Variants in MCM4 observed in about 807,000 individuals in gnomAD.
MCM4 encodes minichromosome maintenance complex component 4.
A neutral mutation model predicts 88.7 loss-of-function variants in MCM4; 60 were observed. The observed-to-expected ratio is 0.68, with a 90% CI of 0.55 to 0.84. The LOEUF is 0.84. MCM4 is among the 40% of genes least tolerant of loss of function. The pLI is 0.00. For synonymous variants in MCM4, 465 were observed against 410.5 expected (o/e 1.13, Z -1.61); for missense variants, 1,149 against 1,105.5 (o/e 1.04, Z -0.56).
chr8:47,965,847 CAGAA>C (rs1489847332), intron 8 of MCM4, among the ~76,000 whole-genome samples: 4 of 152,150 alleles, frequency 2.6e-5, no homozygotes, highest in African/African-American at 9.7e-5. Context: ...AAAATGTACA[CAGAA>C]AGGCTAGGGT....
At chr8:47,968,710 C>G (rs1362113635) in intron 10 of MCM4, among the ~76,000 whole-genome samples, 1 of 152,118 alleles carries the variant, frequency 6.6e-6, no homozygotes, top group Admixed American at 6.6e-5. Flanking sequence ...TTACACTGAC[C>G]CACTGAATAA....
chr8:47,971,315 T>C, intron 12 of MCM4, 26 bp from the exon 13 acceptor site: 1 of 1,613,546 alleles, frequency 6.2e-7, no homozygotes, highest in Non-Finnish European at 8.5e-7. Context: ...GGGAGAGGCT[T>C]CTAACTGCAC....
At chr8:47,972,631 A>G (rs1244753737) in intron 13 of MCM4, among the ~76,000 whole-genome samples, 1 of 152,008 alleles carries the variant, frequency 6.6e-6, no homozygotes, top group African/African-American at 2.4e-5. Context: ...AACTTGGCTC[A>G]CCGCAACCTT....
chr8:47,975,593 A>C, intron 15 of MCM4, 122 bp from the exon 16 acceptor site: 1 of 619,294 alleles, frequency 1.6e-6, no homozygotes, highest in Non-Finnish European at 2.5e-6. Context: ...TTCCCTTCAA[A>C]TGTACTCAGC....
Position 47,961,560 on chromosome 8 carries a change from G to A in MCM4, c.115G>A (p.Gly39Ser), listed in dbSNP as rs1019886177. 6.2e-7 allele frequency: 1 copy of A among 1,614,176 alleles called. No individual in the cohort carries two copies. ...GTCATCTCCCTCTCAGAGACGTAGA[G>A]GCGAGGATTCCACCTCCACGGGGGA... The part of the protein sequence containing the change: ...ARSSPSQRRR[G>S]EDSTSTGELQ... Residue 39 changes from glycine (G) to serine (S), a missense_variant, in exon 3 of 17, where the codon GGC becomes AGC. Physicochemically the swap from Gly to Ser is moderately conservative, Grantham distance 56. This residue lies in a region of MCM4 where 906 missense variants were observed against 843.0 expected (regional missense o/e 1.07). Coordinates refer to ENST00000649973, the MANE Select transcript of MCM4 (RefSeq NM_182746.3).
chr8:47,967,397 T>A lies in MCM4; in HGVS notation c.1086T>A (p.Pro362=). The change falls in exon 10 of 17, where the codon CCT becomes CCA. Residue 362 remains proline (P), a synonymous_variant. Transcript: ENST00000649973. ...TTCAGGAGTCTCCGGAAGACATGCC[T>A]GCAGGGCAGACACCACACACAGTTA... The part of the protein sequence containing the change: ...IKLQESPEDM[P]AGQTPHTVIL... 6.2e-7 allele frequency: 1 copy of A among 1,614,240 alleles called. No homozygotes were observed. The highest frequency in any genetic ancestry group is 8.5e-7 in the Non-Finnish European group (1 of 1,180,034).
At chr8:47,969,694 CGTG>C in intron 10 of MCM4, 101 bp from the exon 11 acceptor site, 2 of 1,178,432 alleles carry the variant, frequency 1.7e-6, no homozygotes. Context: ...GCCAGCCCGA[CGTG>C]GTGCCTCGCT....
rs762352509 is a variant in MCM4, at chr8:47,974,791, C to T, written c.2194C>T (p.Arg732Ter). Residue 732 changes from arginine (R) to a stop codon, truncating the protein, a stop_gained, in exon 15 of 17, where the codon CGA becomes TGA. Transcript: ENST00000649973. LOFTEE classifies it high-confidence loss of function. ...SSRGMVSAYP[R>*]QLESLIRLAE... ...CCGGGGAATGGTTTCTGCATACCCTCGACAGCTAGAGTCATTAATCCGCTT... is the reference window on the plus strand; with the variant it reads ...CCGGGGAATGGTTTCTGCATACCCTTGACAGCTAGAGTCATTAATCCGCTT... 5 of 1,614,194 alleles carry T rather than the reference C, an allele frequency of 3.1e-6. No homozygotes were observed. Among genetic ancestry groups the T allele is most frequent in the East Asian group, 2.2e-5 (1 of 44,888 alleles).
At chr8:47,966,164 T>G (rs1197584232) in intron 8 of MCM4, 23 bp from the exon 9 acceptor site, 1 of 1,602,780 alleles carries the variant, frequency 6.2e-7, no homozygotes, top group East Asian at 2.2e-5. Flanking sequence ...TCAGGTGTGC[T>G]GACCTCTCTT....
chr8:47,975,678 TAGC>T, intron 15 of MCM4, 34 bp from the exon 16 acceptor site: 1 of 1,474,398 alleles, frequency 6.8e-7, no homozygotes, highest in Non-Finnish European at 9.0e-7. Context: ...CATTTCATAA[TAGC>T]AAAAATGTTT....
rs1340378081 is a variant in MCM4, at chr8:47,962,214, G to A, written c.397G>A (p.Gly133Arg). 2 of 1,614,158 alleles carry A rather than the reference G, an allele frequency of 1.2e-6. No individual in the cohort carries two copies. Among genetic ancestry groups the A allele is most frequent in the East Asian group, 2.2e-5 (1 of 44,882 alleles). Residue 133 changes from glycine to arginine, a missense_variant and splice_region_variant, in exon 4 of 17, where the codon GGG becomes AGG. Gly to Arg is a moderately radical substitution (Grantham distance 125). Coordinates refer to ENST00000649973, the MANE Select transcript of MCM4 (RefSeq NM_182746.3). ...KGLQVDLQSD[G>R]AAAEDIVASE... ...CCTGCAAGTGGATCTGCAGTCTGAC[G>A]GGGTGAGTATGCAGTCTCCTGAAAC...
At chr8:47,975,686 A>G (rs760472116) in intron 15 of MCM4, 29 bp from the exon 16 acceptor site, 1 of 1,486,812 alleles carries the variant, frequency 6.7e-7, no homozygotes, top group South Asian at 1.4e-5. Flanking sequence ...AATAGCAAAA[A>G]TGTTTTCATT....
intron 11 of MCM4, 130 bp downstream of exon 11, chr8:47,970,187 G>A (rs1204878613): frequency 9.5e-7 from 1 of 1,052,274 alleles, no homozygotes; most frequent in East Asian, 2.4e-5. Flanking sequence ...GCAAGTGCTG[G>A]CAACCTGACT....
intron 13 of MCM4, among the ~76,000 whole-genome samples, chr8:47,972,546 T>C (rs185794257): frequency 3.3e-5 from 5 of 152,138 alleles, no homozygotes; most frequent in Non-Finnish European, 7.4e-5. Context: ...TTTTTTGTTG[T>C]TGTTTTGGGT....
chr8:47,961,598 G>A lies in MCM4; in HGVS notation c.153G>A (p.Met51Ile), dbSNP rs774767030. ...CCTCCACGGGGGAGTTGCAGCCGAT[G>A]CCAACCTCGCCTGGAGTGGACCTGC... is the stretch of plus-strand genomic sequence containing the variant. ...DSTSTGELQP[M>I]PTSPGVDLQS... The change falls in exon 3 of 17, where the codon ATG (methionine) becomes ATA (isoleucine). Residue 51 changes from methionine (M) to isoleucine (I), a missense_variant. Transcript: ENST00000649973. 5.0e-6 allele frequency: 8 copies of A among 1,614,044 alleles called. No homozygotes were observed. The highest frequency in any genetic ancestry group is 5.9e-6 in the Non-Finnish European group (7 of 1,180,032).
At chr8:47,966,876 T>C (rs2090903250) in intron 9 of MCM4, among the ~76,000 whole-genome samples, 1 of 152,240 alleles carries the variant, frequency 6.6e-6, no homozygotes, top group Admixed American at 6.5e-5. Context: ...TTTACCGTGA[T>C]TGTGACTGTA....
chr8:47,976,637 AG>A, intron 16 of MCM4, 48 bp from the exon 17 acceptor site: 1 of 1,315,100 alleles, frequency 7.6e-7, no homozygotes, highest in Non-Finnish European at 1.1e-6. Flanking sequence ...TAACAGGTAA[AG>A]GAGGGACTTG....
chr8:47,962,320 A>C lies in MCM4; in HGVS notation c.415A>C (p.Ile139Leu), dbSNP rs1361660939. ...TTCTGTGTAGGCAGCAGCAGAAGAT[A>C]TAGTGGCAAGTGAGCAGTCTCTAGG... The part of the protein sequence containing the change: ...LQSDGAAAED[I>L]VASEQSLGQK... Residue 139 changes from isoleucine (I) to leucine (L), a missense_variant, in exon 5 of 17, where the codon ATA (isoleucine) becomes CTA (leucine). By Grantham distance (5) the Ile-to-Leu change is conservative. Around this residue, in one of 3 missense-constraint regions of MCM4, gnomAD observed 906 missense variants for 843.0 expected, o/e 1.07. Transcript: ENST00000649973. 1.2e-6 allele frequency: 2 copies of C among 1,614,222 alleles called. No homozygotes were observed. The highest frequency in any genetic ancestry group is 3.3e-5 in the Admixed American group (2 of 60,036).
chr8:47,965,151 G>T (rs1422652241), intron 8 of MCM4, among the ~76,000 whole-genome samples: 1 of 151,914 alleles, frequency 6.6e-6, no homozygotes, highest in Non-Finnish European at 1.5e-5. Flanking sequence ...GGAGGCGGAG[G>T]TTGCACTGAG....
Sources: allele counts gnomAD v4.1 joint callset (sites outside exome capture counted in the v4.1 genomes callset), GRCh38; gene constraint gnomAD v4.1.1; regional missense constraint gnomAD v4.1.1; transcripts MANE v1.5; gene names NCBI Gene and HGNC (gene_info 2026-07-23, HGNC 2026-07-21).